SAP130: variants seen among roughly 807,000 people sequenced by gnomAD.
SAP130 encodes Sin3A associated protein 130.
Under a neutral mutation model 103.2 loss-of-function variants are expected in SAP130, and 16 were observed. The observed-to-expected ratio is 0.16, with a 90% confidence interval of 0.10 to 0.24. The LOEUF is 0.24. Ranked by LOEUF, SAP130 falls within the 10% of genes least tolerant of loss-of-function variation. SAP130 has a pLI of 1.00. For synonymous variants in SAP130, 477 were observed against 497.0 expected (o/e 0.96, Z 0.53); for missense variants, 990 against 1,359.7 (o/e 0.73, Z 4.28).
chr2:127,972,274 C>T (rs900877360), intron 15 of SAP130, among the ~76,000 whole-genome samples: 1 of 152,182 alleles, frequency 6.6e-6, no homozygotes. Context: ...AGGACCAACA[C>T]TTGAAAACTA....
Position 127,989,984 on chromosome 2 carries a change from T to C in SAP130, c.1478-118A>G. ...CTGTATAAGATCTAAATCCATGGTTTGAAAAAAAATAAATAAATAAACATT... is the reference window on the plus strand; with the variant it reads ...CTGTATAAGATCTAAATCCATGGTTCGAAAAAAAATAAATAAATAAACATT... On this transcript the variant is annotated intron_variant, in intron 12 of 20. Transcript: ENST00000643581. The surrounding 1 kb of genome is among the most constrained non-coding windows in gnomAD (Gnocchi z 4.6). The C allele has an allele frequency of 1.1e-6, 1 of 887,536 alleles. No individual in the cohort carries two copies. Among genetic ancestry groups the C allele is most frequent in the Non-Finnish European group, 1.7e-6 (1 of 599,216 alleles). 55.0% of individuals were successfully genotyped at this position (887,536 alleles called of 1,614,324 possible). A position where few individuals can be genotyped will look rare whatever the true frequency, so the allele number is the denominator to read the frequency against.
At chr2:127,997,668 T>C (rs1190503295) in intron 10 of SAP130, among the ~76,000 whole-genome samples, 1 of 152,162 alleles carries the variant, frequency 6.6e-6, no homozygotes, top group East Asian at 1.9e-4. Flanking sequence ...CAACTAAGCC[T>C]TGTTTTTTTC....
rs368003779 is a variant in SAP130 at position 128,026,254 on chromosome 2, A to G, written c.39T>C (p.Ser13=). 9 of 1,614,062 alleles carry G rather than the reference A, an allele frequency of 5.6e-6. No homozygotes were observed. Among genetic ancestry groups the G allele is most frequent in the Non-Finnish European group, 7.6e-6 (9 of 1,180,006 alleles). The change falls in exon 2 of 21, where the codon TCT becomes TCC. Residue 13 remains serine, a synonymous_variant. Transcript: ENST00000643581. ...GAGAAGGGGCCTGGCTCAGCCCGGT[A>G]GAAGGGGCTCCTAACCGAGGAAACT... ...SQQFPRLGAP[S]TGLSQAPSQI...
At position 127,955,937 on chromosome 2, in the gene SAP130, A is replaced by G. The variant is rs1396717770; in HGVS notation, c.2064-593T>C. On this transcript the variant is annotated intron_variant, in intron 15 of 20. Coordinates refer to ENST00000643581, the MANE Select transcript of SAP130 (RefSeq NM_001330301.2). The surrounding 1 kb of genome is among the most constrained non-coding windows in gnomAD (Gnocchi z 4.9). Reference sequence around the variant, plus strand: ...ATAACACTTTAAAGAACTCAAAGTCATATCGTCATAGCACAACCAATTTTC... The same window carrying G: ...ATAACACTTTAAAGAACTCAAAGTCGTATCGTCATAGCACAACCAATTTTC... 6.6e-6 allele frequency among the ~76,000 whole-genome samples: 1 copy of G among 152,272 alleles called. No homozygotes were observed. The highest frequency in any genetic ancestry group is 1.5e-5 in the Non-Finnish European group (1 of 68,052).
chr2:127,993,125 T>G (rs1481950136), intron 12 of SAP130, 62 bp downstream of exon 12: 1 of 1,583,870 alleles, frequency 6.3e-7, no homozygotes. Flanking sequence ...CCTCATCAAT[T>G]TCTACATTAT....
At chr2:127,978,181 G>C in intron 14 of SAP130, 92 bp from the exon 15 acceptor site, 1 of 895,348 alleles carries the variant, frequency 1.1e-6, no homozygotes, top group Non-Finnish European at 1.8e-6. Flanking sequence ...GGCATACCTA[G>C]GACAAAATAA....
chr2:127,962,717 G>A (rs1051638171), intron 15 of SAP130, among the ~76,000 whole-genome samples: 3 of 147,552 alleles, frequency 2.0e-5, no homozygotes, highest in Admixed American at 6.8e-5. Flanking sequence ...ATCACACACC[G>A]GGGACTGTTG....
intron 14 of SAP130, among the ~76,000 whole-genome samples, chr2:127,981,151 A>C (rs1573728018): frequency 6.7e-6 from 1 of 149,650 alleles, no homozygotes; most frequent in Admixed American, 6.7e-5. Flanking sequence ...ACAAACCCCC[A>C]CCCCACCCTT....
intron 14 of SAP130, among the ~76,000 whole-genome samples, chr2:127,983,873 A>G (rs1682171830): frequency 7.4e-6 from 1 of 134,886 alleles, no homozygotes; most frequent in Non-Finnish European, 1.5e-5. Context: ...ATTCAGAATC[A>G]CACACAAGTT....
intron 15 of SAP130, among the ~76,000 whole-genome samples, chr2:127,959,914 G>A (rs1192696246): frequency 6.6e-6 from 1 of 152,120 alleles, no homozygotes; most frequent in East Asian, 1.9e-4. Context: ...CGGTCTTGCT[G>A]TGTTGGTGAG....
chr2:127,960,309 G>C (rs1304115084), intron 15 of SAP130, among the ~76,000 whole-genome samples: 3 of 152,106 alleles, frequency 2.0e-5, no homozygotes, highest in Non-Finnish European at 4.4e-5. Flanking sequence ...GCGGAGAAAG[G>C]AGGCACCAGG....
At chr2:128,020,527 G>C (rs1010707171) in intron 2 of SAP130, among the ~76,000 whole-genome samples, 1 of 152,180 alleles carries the variant, frequency 6.6e-6, no homozygotes, top group Non-Finnish European at 1.5e-5. Context: ...CGACACACGA[G>C]TAACGTACAA....
At chr2:128,020,606 T>A (rs529921611) in intron 2 of SAP130, among the ~76,000 whole-genome samples, 1 of 152,368 alleles carries the variant, frequency 6.6e-6, no homozygotes, top group South Asian at 2.1e-4. Flanking sequence ...GTGCTAGTAA[T>A]GTTCTTGTAC....
intron 18 of SAP130, 55 bp downstream of exon 18, chr2:127,949,810 TTTAA>T: frequency 6.4e-7 from 1 of 1,551,252 alleles, no homozygotes; most frequent in South Asian, 1.2e-5. Context: ...TCTCTTCTAT[TTTAA>T]TTAAGTTTAC....
At chr2:128,019,154 A>C (rs148366406) in intron 2 of SAP130, among the ~76,000 whole-genome samples, 1 of 152,202 alleles carries the variant, frequency 6.6e-6, no homozygotes, top group African/African-American at 2.4e-5. Flanking sequence ...TTAAGAACAT[A>C]TAATTTTTCA....
chr2:128,012,326 C>T (rs1354634066), intron 6 of SAP130, among the ~76,000 whole-genome samples: 4 of 151,946 alleles, frequency 2.6e-5, no homozygotes, highest in African/African-American at 7.3e-5. Flanking sequence ...AAAAATTAGC[C>T]GGGCATGGTG....
At position 128,015,016 on chromosome 2, in the gene SAP130, T is replaced by C. The variant is rs1056168569; in HGVS notation, c.508-102A>G. ...AATGTGGGTCAGGTTGTTTTTTAGATAGTGAGTATCCCAAGAGAAAGGGCT... is the reference window on the plus strand; with the variant it reads ...AATGTGGGTCAGGTTGTTTTTTAGACAGTGAGTATCCCAAGAGAAAGGGCT... On this transcript the variant is annotated intron_variant, in intron 4 of 20. Transcript: ENST00000643581. 4.1e-5 allele frequency: 34 copies of C among 825,126 alleles called. No homozygotes were observed. In the South Asian group the frequency reaches 4.9e-4, roughly 12 times the overall value. The allele number at this position is 825,126 out of a possible 1,614,324, so 51.1% of individuals were successfully genotyped here.
intron 2 of SAP130, among the ~76,000 whole-genome samples, chr2:128,020,590 T>G (rs1312333502): frequency 1.3e-5 from 2 of 152,246 alleles, no homozygotes; most frequent in African/African-American, 4.8e-5. Context: ...GTTCCTATTT[T>G]GAATAGTGCT....
chr2:128,000,450 G>A lies in SAP130; in HGVS notation c.874C>T (p.Pro292Ser), dbSNP rs2105088820. Residue 292 changes from proline to serine, a missense_variant, in exon 8 of 21, where the codon CCA (proline) becomes TCA (serine). By Grantham distance (74) the Pro-to-Ser change is moderately conservative (BLOSUM62 -1). Around this residue, in one of 6 missense-constraint regions of SAP130, gnomAD observed 336 missense variants for 520.1 expected, o/e 0.65. Transcript: ENST00000643581. ...GGAGGATGCTGGATAGACAAGGTTG[G>A]CCTACTGAAAAGATAACAAAGACAC... ...AHATDSALSRPTLSIQHPPSA... is the reference protein window; with the variant it reads ...AHATDSALSRSTLSIQHPPSA... The A allele has an allele frequency of 4.3e-6, 7 of 1,613,976 alleles. No individual in the cohort carries two copies. In the East Asian group the frequency reaches 1.6e-4, roughly 36 times the overall value.
Sources: gnomAD v4.1 joint callset for allele counts (sites outside exome capture counted in the v4.1 genomes callset) on GRCh38, gnomAD v4.1.1 for gene constraint, gnomAD v4.1.1 regional missense constraint, Gnocchi (gnomAD v3.1) non-coding constraint, MANE v1.5 for transcripts, NCBI Gene and HGNC (gene_info 2026-07-23, HGNC 2026-07-21) for gene names.